UNC5B: variants seen among roughly 807,000 people sequenced by gnomAD.
The protein encoded by UNC5B is unc-5 netrin receptor B.
A neutral mutation model predicts 103.7 loss-of-function variants in UNC5B; 56 were observed. The ratio of observed to expected loss-of-function variants is 0.54; its 90% CI spans 0.44 to 0.67. The LOEUF (loss-of-function observed/expected upper bound fraction) is 0.67. Among genes scored for constraint, UNC5B ranks in the 30% least tolerant of loss-of-function variants. The pLI is 0.00. For missense variants in UNC5B, 1,194 were observed against 1,284.5 expected, an observed-to-expected ratio of 0.93 and a Z score of 1.08; for synonymous variants, 577 against 542.0, an observed-to-expected ratio of 1.06 and a Z score of -0.90.
intron 8 of UNC5B, among the ~76,000 whole-genome samples, chr10:71,289,470 C>T (rs1009063383): frequency 6.6e-6 from 1 of 152,204 alleles, no homozygotes; most frequent in African/African-American, 2.4e-5. Context: ...CTCTGTTGCC[C>T]GCTGCCCTGC....
chr10:71,250,668 G>A (rs1844152581), intron 1 of UNC5B, among the ~76,000 whole-genome samples: 1 of 152,184 alleles, frequency 6.6e-6, no homozygotes. Context: ...GGGAGGTGGT[G>A]GCTCTCAGGC....
In UNC5B at chr10:71,262,213, C is replaced by T. The variant is rs897802627; in HGVS notation, c.80-17608C>T. Among the ~76,000 whole-genome samples, 8 of 152,106 alleles carry T rather than the reference C, an allele frequency of 5.3e-5. No homozygotes were observed. In the East Asian group the frequency reaches 5.8e-4, roughly 11 times the overall value. On this transcript the variant is annotated intron_variant, in intron 1 of 16. Coordinates refer to ENST00000335350, the MANE Select transcript of UNC5B (RefSeq NM_170744.5). The stretch of plus-strand genomic sequence containing the variant: ...ATTTGGCTTGGAGGTGGCTCCTGTT[C>T]GTTCTAACCAGGCTGTAATTACGGC...
intron 1 of UNC5B, among the ~76,000 whole-genome samples, chr10:71,227,707 T>TACACACACACACAC (rs57747777): frequency 1.6e-5 from 2 of 128,054 alleles, no homozygotes; most frequent in Middle Eastern, 3.4e-3. Flanking sequence ...TACACACATA[T>TACACACACACACAC]ACACACACAC....
intron 2 of UNC5B, among the ~76,000 whole-genome samples, chr10:71,282,625 G>A (rs932473842): frequency 1.2e-4 from 18 of 152,076 alleles, no homozygotes; most frequent in African/African-American, 2.9e-4. Flanking sequence ...GCCAGCCTGT[G>A]GGCAGCCATG....
rs565283697 is a variant in UNC5B, at chr10:71,299,299, G to T, written c.*22G>T. On this transcript the variant is annotated 3_prime_UTR_variant, in exon 17 of 17. Coordinates refer to ENST00000335350, the MANE Select transcript of UNC5B (RefSeq NM_170744.5). The stretch of plus-strand genomic sequence containing the variant: ...CTGAGCCTCCTGGGACAGCGGGCTG[G>T]CAGGGACTGGCAGGAGGCAGGTGCA... The T allele has an allele frequency of 1.2e-6, 2 of 1,611,910 alleles. No individual in the cohort carries two copies. The highest frequency in any genetic ancestry group is 1.3e-5 in the African/African-American group (1 of 75,046).
At chr10:71,296,882 C>CACT (rs1845445946) in intron 15 of UNC5B, 140 bp downstream of exon 15, 1 of 548,166 alleles carries the variant, frequency 1.8e-6, no homozygotes, top group African/African-American at 2.2e-5. Flanking sequence ...CTGCACACCA[C>CACT]GCTGGCGGAG....
Position 71,290,985 on chromosome 10 carries a change from C to T in UNC5B, c.1170C>T (p.Ile390=), listed in dbSNP as rs1845234468. Residue 390 remains isoleucine, a synonymous_variant, in exon 9 of 17, where the codon ATC becomes ATT. Transcript: ENST00000335350. ...TGGCCATCTTCGTGGTCGTGGCAAT[C>T]CTCATGGCGGTGGGGGTGGTGGTGT... ...LVVAIFVVVA[I]LMAVGVVVYR... 2 of 1,614,116 alleles carry T rather than the reference C, an allele frequency of 1.2e-6. No individual in the cohort carries two copies. Among genetic ancestry groups the T allele is most frequent in the South Asian group, 2.2e-5 (2 of 91,082 alleles).
At chr10:71,276,075 T>G (rs1446405309) in intron 1 of UNC5B, among the ~76,000 whole-genome samples, 1 of 152,168 alleles carries the variant, frequency 6.6e-6, no homozygotes, top group African/African-American at 2.4e-5. Context: ...TATTTTTTCT[T>G]TCAATTTATC....
intron 1 of UNC5B, among the ~76,000 whole-genome samples, chr10:71,236,917 A>G (rs954341114): frequency 1.4e-4 from 21 of 152,240 alleles, no homozygotes; most frequent in Admixed American, 1.3e-4. Flanking sequence ...TAGGAATGAG[A>G]GAAGATGCAT....
chr10:71,252,212 C>T (rs1844189497), intron 1 of UNC5B, among the ~76,000 whole-genome samples: 1 of 152,234 alleles, frequency 6.6e-6, no homozygotes, highest in South Asian at 2.1e-4. Context: ...CTCTTGCCCT[C>T]TCTGGGCCTG....
At chr10:71,248,848 GTCTCTC>G (rs540721859) in intron 1 of UNC5B, among the ~76,000 whole-genome samples, 1 of 146,338 alleles carries the variant, frequency 6.8e-6, no homozygotes, top group African/African-American at 2.6e-5. Flanking sequence ...CCCTCTCTCT[GTCTCTC>G]TCTCTCTCTC....
At chr10:71,294,076 A>G (rs1845347221) in intron 13 of UNC5B, 143 bp downstream of exon 13, 5 of 736,370 alleles carry the variant, frequency 6.8e-6, no homozygotes, top group Admixed American at 5.8e-5. Flanking sequence ...CGACCCTCAC[A>G]CACTGAAACA....
chr10:71,257,294 C>A (rs1002266569), intron 1 of UNC5B, among the ~76,000 whole-genome samples: 35 of 152,242 alleles, frequency 2.3e-4, no homozygotes, highest in Admixed American at 2.3e-3. Flanking sequence ...TAAATGGGAC[C>A]GTTATGCCTA....
At chr10:71,266,560 C>A (rs1351404601) in intron 1 of UNC5B, among the ~76,000 whole-genome samples, 1 of 152,216 alleles carries the variant, frequency 6.6e-6, no homozygotes, top group Admixed American at 6.5e-5. Context: ...CCATCCGCCC[C>A]ACACGAGTCT....
At chr10:71,243,002 G>A (rs2132261053) in intron 1 of UNC5B, among the ~76,000 whole-genome samples, 1 of 152,290 alleles carries the variant, frequency 6.6e-6, no homozygotes, top group East Asian at 1.9e-4. Context: ...GGAGGCTGAA[G>A]CGGGCGGATC....
intron 1 of UNC5B, among the ~76,000 whole-genome samples, chr10:71,238,753 T>A (rs1277629811): frequency 1.3e-5 from 2 of 152,144 alleles, no homozygotes; most frequent in Admixed American, 6.5e-5. Flanking sequence ...GCATTTTCAC[T>A]CTCTTATACA....
intron 1 of UNC5B, among the ~76,000 whole-genome samples, chr10:71,216,412 A>G (rs569993414): frequency 6.6e-6 from 1 of 152,326 alleles, no homozygotes; most frequent in African/African-American, 2.4e-5. Flanking sequence ...GGGCAGAGCC[A>G]AAGGTCAGGA....
rs951972357 is a variant in UNC5B at position 71,301,232 on chromosome 10, C to A, written c.*1955C>A. 2 of 152,268 alleles carry A rather than the reference C, an allele frequency of 1.3e-5. No individual in the cohort carries two copies. The highest frequency in any genetic ancestry group is 4.8e-5 in the African/African-American group (2 of 41,454). The allele number at this position is 152,268 out of a possible 1,614,324, so 9.4% of individuals were successfully genotyped here. ...CTGAGAGGAGGGCAGGTTTTAGGGC[C>A]GCAGTTCCAGCCAGCGTCCCCAGCC... On this transcript the variant is annotated 3_prime_UTR_variant, in exon 17 of 17. Coordinates refer to ENST00000335350, the MANE Select transcript of UNC5B (RefSeq NM_170744.5).
intron 14 of UNC5B, among the ~76,000 whole-genome samples, chr10:71,296,233 C>T (rs1394534246): frequency 6.6e-6 from 1 of 152,212 alleles, no homozygotes; most frequent in African/African-American, 2.4e-5. Context: ...CTCACAGAGG[C>T]TCCTCACCCT....
Sources: gnomAD v4.1 joint callset for allele counts (sites outside exome capture counted in the v4.1 genomes callset) on GRCh38, gnomAD v4.1.1 for gene constraint, MANE v1.5 for transcripts, NCBI Gene and HGNC (gene_info 2026-07-23, HGNC 2026-07-21) for gene names.